ROBO2: variants seen among roughly 807,000 people sequenced by gnomAD.
The protein encoded by ROBO2 is roundabout homolog 2.
ROBO2 carries 53 observed loss-of-function variants against 160.8 expected under a neutral mutation model. The observed-to-expected ratio is 0.33, with a 90% confidence interval of 0.26 to 0.41. The LOEUF (loss-of-function observed/expected upper bound fraction) is 0.41, where lower values mean the gene tolerates loss of function less well. Among genes scored for constraint, ROBO2 ranks in the 10% least tolerant of loss-of-function variants. The pLI is 1.00. For synonymous variants in ROBO2, 664 were observed against 611.7 expected (o/e 1.09, Z -1.26); for missense variants, 1,577 against 1,722.4 (o/e 0.92, Z 1.49).
chr3:77,595,138 A>G lies in ROBO2; in HGVS notation c.2684-4A>G, dbSNP rs1406573038. ...CATGTCTTCCTTTTTTTCTTTTTTCATAGTTACGTTTCAAAGAGGAGATGG... is the reference window on the plus strand; with the variant it reads ...CATGTCTTCCTTTTTTTCTTTTTTCGTAGTTACGTTTCAAAGAGGAGATGG... On this transcript the variant is annotated splice_region_variant and splice_polypyrimidine_tract_variant and intron_variant, in intron 17 of 25. Coordinates refer to ENST00000461745, the Ensembl canonical transcript of ROBO2. 1.2e-6 allele frequency: 2 copies of G among 1,609,300 alleles called. No homozygotes were observed. The highest frequency in any genetic ancestry group is 1.1e-5 in the South Asian group (1 of 90,856).
At chr3:75,969,246 T>G (rs2064914428) in intron 2 of ROBO2, among the ~76,000 whole-genome samples, 1 of 151,102 alleles carries the variant, frequency 6.6e-6, no homozygotes, top group Middle Eastern at 3.3e-3. Context: ...ATAGCTTGGC[T>G]ATTGAGAACT....
chr3:76,825,603 C>CAAAAAAAAAAAAAAAAAA (rs201063990), intron 2 of ROBO2, among the ~76,000 whole-genome samples: 8 of 72,494 alleles, frequency 1.1e-4, no homozygotes, highest in Admixed American at 1.6e-4. Context: ...TCATCTTAGC[C>CAAAAAAAAAAAAAAAAAA]AAAAAAAAAA....
At chr3:77,627,457 G>A (rs1369232501) in intron 23 of ROBO2, among the ~76,000 whole-genome samples, 4 of 148,820 alleles carry the variant, frequency 2.7e-5, no homozygotes, top group African/African-American at 7.4e-5. Context: ...TTTTTTTTTT[G>A]TATTTTTAGT....
intron 2 of ROBO2, among the ~76,000 whole-genome samples, chr3:76,341,331 C>G (rs2074209293): frequency 6.6e-6 from 1 of 150,418 alleles, no homozygotes; most frequent in Admixed American, 6.7e-5. Context: ...TCTAATGCCT[C>G]TGCTGTCCCC....
chr3:76,205,069 A>G (rs577336673), intron 2 of ROBO2, among the ~76,000 whole-genome samples: 6 of 152,172 alleles, frequency 3.9e-5, no homozygotes, highest in Non-Finnish European at 8.8e-5. Context: ...CTGAACAACT[A>G]GTATAATTAG....
chr3:76,334,307 G>C (rs994877633), intron 2 of ROBO2, among the ~76,000 whole-genome samples: 2 of 151,968 alleles, frequency 1.3e-5, no homozygotes, highest in African/African-American at 4.8e-5. Flanking sequence ...CTGGTCTTGC[G>C]TATTTATCAC....
chr3:77,566,250 G>A (rs1240831579), intron 12 of ROBO2, among the ~76,000 whole-genome samples: 1 of 152,006 alleles, frequency 6.6e-6, no homozygotes. Flanking sequence ...GTCAAGGGAG[G>A]AGGAAATGCC....
chr3:76,275,838 G>A (rs1707886185), intron 2 of ROBO2, among the ~76,000 whole-genome samples: 1 of 152,026 alleles, frequency 6.6e-6, no homozygotes, highest in African/African-American at 2.4e-5. Flanking sequence ...ATGACTTCCA[G>A]AAGTTTATGT....
chr3:77,304,472 T>C (rs893855381), intron 2 of ROBO2, among the ~76,000 whole-genome samples: 1 of 152,108 alleles, frequency 6.6e-6, no homozygotes, highest in Non-Finnish European at 1.5e-5. Context: ...GACGCAGCAA[T>C]GAGATTACTG....
intron 2 of ROBO2, among the ~76,000 whole-genome samples, chr3:76,045,401 A>G (rs538038968): frequency 6.6e-6 from 1 of 152,162 alleles, no homozygotes; most frequent in South Asian, 2.1e-4. Flanking sequence ...CTCAGGAGCC[A>G]GGCAGATTGA....
chr3:76,647,863 G>C (rs1444283799), intron 2 of ROBO2, among the ~76,000 whole-genome samples: 1 of 151,864 alleles, frequency 6.6e-6, no homozygotes, highest in Admixed American at 6.6e-5. Context: ...TAAATGTGGG[G>C]GAAAAACAAA....
intron 12 of ROBO2, among the ~76,000 whole-genome samples, chr3:77,567,910 T>C (rs1209531943): frequency 6.6e-6 from 1 of 151,930 alleles, no homozygotes; most frequent in African/African-American, 2.4e-5. Flanking sequence ...ATATCCCAAT[T>C]TACACATCCA....
chr3:76,414,321 C>T (rs1005387427), intron 2 of ROBO2, among the ~76,000 whole-genome samples: 3 of 152,068 alleles, frequency 2.0e-5, no homozygotes, highest in African/African-American at 7.2e-5. Context: ...TAACACTCAA[C>T]TCTCTATTTT....
At chr3:77,328,482 A>G (rs1185992167) in intron 2 of ROBO2, among the ~76,000 whole-genome samples, 1 of 152,232 alleles carries the variant, frequency 6.6e-6, no homozygotes, top group East Asian at 1.9e-4. Flanking sequence ...CTAAAGTTCT[A>G]ATCTAGCTTT....
In ROBO2 at chr3:77,112,282, C is replaced by T. The variant is rs532797198; in HGVS notation, c.388+13942C>T. On this transcript the variant is annotated intron_variant, in intron 2 of 25. Coordinates refer to ENST00000461745, the Ensembl canonical transcript of ROBO2. ...CGCAGGGGCCGGAGTCTCGCCTTGTCGCCCAGGCTGGAGTGAGGTGGCGCG... is the reference window on the plus strand; with the variant it reads ...CGCAGGGGCCGGAGTCTCGCCTTGTTGCCCAGGCTGGAGTGAGGTGGCGCG... Among the ~76,000 whole-genome samples, 12 of 150,240 alleles carry T rather than the reference C, an allele frequency of 8.0e-5. No homozygotes were observed. The South Asian group carries it at 2.1e-3, about 27-fold the overall frequency.
intron 2 of ROBO2, among the ~76,000 whole-genome samples, chr3:76,941,148 G>A (rs2078159255): frequency 6.6e-6 from 1 of 151,348 alleles, no homozygotes; most frequent in African/African-American, 2.4e-5. Flanking sequence ...CTCAAACTAG[G>A]TTTCAAATGA....
chr3:76,408,897 G>C (rs551174241), intron 2 of ROBO2, among the ~76,000 whole-genome samples: 2 of 152,066 alleles, frequency 1.3e-5, no homozygotes, highest in African/African-American at 4.8e-5. Flanking sequence ...GCCCACTGAA[G>C]TCACTAGCTA....
intron 2 of ROBO2, among the ~76,000 whole-genome samples, chr3:77,148,390 T>A (rs186654339): frequency 6.6e-6 from 1 of 152,354 alleles, no homozygotes; most frequent in Non-Finnish European, 1.5e-5. Context: ...TATTGGTAGG[T>A]ACTTCCCTCT....
At chr3:77,466,474 A>G (rs939244302) in intron 2 of ROBO2, among the ~76,000 whole-genome samples, 4 of 152,176 alleles carry the variant, frequency 2.6e-5, no homozygotes, top group Non-Finnish European at 4.4e-5. Context: ...ATGGATGATG[A>G]TGTGATTCAT....
Sources: allele counts gnomAD v4.1 joint callset (sites outside exome capture counted in the v4.1 genomes callset), GRCh38; gene constraint gnomAD v4.1.1; transcripts MANE v1.5; gene names NCBI Gene and HGNC (gene_info 2026-07-23, HGNC 2026-07-21).